Variants in ERC2 observed in about 807,000 individuals in gnomAD.
The protein encoded by ERC2 is ERC protein 2.
Under a neutral mutation model 114.8 loss-of-function variants are expected in ERC2, and 42 were observed. The ratio of observed to expected loss-of-function variants is 0.37; its 90% CI spans 0.29 to 0.47. The LOEUF (loss-of-function observed/expected upper bound fraction) is 0.47. Ranked by LOEUF, ERC2 falls within the 20% of genes least tolerant of loss-of-function variation. The pLI, the probability that ERC2 is intolerant of heterozygous loss-of-function variation, is 0.99. For missense variants in ERC2, 939 were observed against 1,150.7 expected (o/e 0.82, Z 2.66); for synonymous variants, 454 against 425.5 (o/e 1.07, Z -0.82).
intron 16 of ERC2, among the ~76,000 whole-genome samples, chr3:55,698,286 A>G (rs972288529): frequency 1.3e-5 from 2 of 152,028 alleles, no homozygotes; most frequent in Non-Finnish European, 2.9e-5. Context: ...GCCTCACTGC[A>G]CAGCTCCCAG....
intron 17 of ERC2, among the ~76,000 whole-genome samples, chr3:55,555,447 A>G (rs1170856330): frequency 6.6e-6 from 1 of 152,182 alleles, no homozygotes; most frequent in Non-Finnish European, 1.5e-5. Flanking sequence ...CACCAGAGCA[A>G]ATGCTTGGAG....
intron 11 of ERC2, among the ~76,000 whole-genome samples, chr3:55,986,281 T>C (rs908566800): frequency 1.3e-5 from 2 of 152,218 alleles, no homozygotes; most frequent in Admixed American, 1.3e-4. Context: ...GCTCCCACAG[T>C]ACAATGACAG....
intron 1 of ERC2, among the ~76,000 whole-genome samples, chr3:56,449,324 C>T (rs913097268): frequency 3.9e-5 from 6 of 152,130 alleles, no homozygotes; most frequent in African/African-American, 1.4e-4. Context: ...CTCTAGAATG[C>T]CAGGCACAGG....
chr3:55,824,421 G>T (rs548245674), intron 14 of ERC2, among the ~76,000 whole-genome samples: 26 of 152,256 alleles, frequency 1.7e-4, no homozygotes, highest in African/African-American at 6.3e-4. Flanking sequence ...GTTTATATGA[G>T]CAAAAATAAA....
intron 7 of ERC2, among the ~76,000 whole-genome samples, chr3:56,045,090 T>A (rs1162445477): frequency 6.6e-6 from 1 of 152,162 alleles, no homozygotes; most frequent in Non-Finnish European, 1.5e-5. Flanking sequence ...AAACTGAAGC[T>A]CACTATCAAT....
At chr3:56,458,413 T>C (rs1408213341) in intron 1 of ERC2, among the ~76,000 whole-genome samples, 1 of 152,198 alleles carries the variant, frequency 6.6e-6, no homozygotes, top group Non-Finnish European at 1.5e-5. Flanking sequence ...TCTGAAGTTA[T>C]TCTAAGCAAC....
intron 15 of ERC2, among the ~76,000 whole-genome samples, chr3:55,702,018 A>T (rs1354151108): frequency 6.6e-6 from 1 of 152,128 alleles, no homozygotes; most frequent in Non-Finnish European, 1.5e-5. Context: ...TAATATCCTC[A>T]TCCTTTGGGG....
At chr3:55,562,691 C>T (rs1304458191) in intron 17 of ERC2, among the ~76,000 whole-genome samples, 1 of 152,098 alleles carries the variant, frequency 6.6e-6, no homozygotes, top group Non-Finnish European at 1.5e-5. Flanking sequence ...CCTCCCATCC[C>T]TTTTCTTTTT....
intron 17 of ERC2, among the ~76,000 whole-genome samples, chr3:55,577,529 T>C (rs932463922): frequency 6.6e-6 from 1 of 152,190 alleles, no homozygotes; most frequent in African/African-American, 2.4e-5. Context: ...CCATAAACAC[T>C]GGATCACAGC....
At chr3:56,310,932 T>C (rs748141472) in intron 2 of ERC2, among the ~76,000 whole-genome samples, 1 of 151,662 alleles carries the variant, frequency 6.6e-6, no homozygotes, top group African/African-American at 2.4e-5. Flanking sequence ...TATTTGGTAA[T>C]GGAAAGTTAG....
intron 3 of ERC2, among the ~76,000 whole-genome samples, chr3:56,212,502 G>A (rs2049129464): frequency 6.6e-6 from 1 of 152,138 alleles, no homozygotes; most frequent in Non-Finnish European, 1.5e-5. Flanking sequence ...TTACACTACT[G>A]GTGGGAATGT....
intron 3 of ERC2, among the ~76,000 whole-genome samples, chr3:56,255,845 A>G (rs2052478424): frequency 1.3e-5 from 2 of 152,236 alleles, no homozygotes; most frequent in Admixed American, 1.3e-4. Context: ...TGGTCTGCGG[A>G]CCAGCAGCAT....
chr3:56,079,862 T>C (rs2077147080), intron 7 of ERC2, among the ~76,000 whole-genome samples: 1 of 152,078 alleles, frequency 6.6e-6, no homozygotes, highest in South Asian at 2.1e-4. Context: ...AAGAAAAACA[T>C]CTGGAATGCT....
In ERC2 at chr3:55,837,115, G is replaced by A. The variant is rs575343605; in HGVS notation, c.2564+51274C>T. Among the ~76,000 whole-genome samples, 39 of 152,328 alleles carry A rather than the reference G, an allele frequency of 2.6e-4. No individual in the cohort carries two copies. In the East Asian group the frequency reaches 7.3e-3, roughly 29 times the overall value. Reference sequence around the variant, plus strand: ...AAAAGCCAGGAAACAACAGGTGCTGGAGAGGATGTGGAGAAATAGGAACAC... The same window carrying A: ...AAAAGCCAGGAAACAACAGGTGCTGAAGAGGATGTGGAGAAATAGGAACAC... On this transcript the variant is annotated intron_variant, in intron 14 of 17. Coordinates refer to ENST00000288221, the MANE Select transcript of ERC2 (RefSeq NM_015576.3).
At chr3:56,098,073 T>C (rs2078159165) in intron 6 of ERC2, among the ~76,000 whole-genome samples, 1 of 152,150 alleles carries the variant, frequency 6.6e-6, no homozygotes, top group African/African-American at 2.4e-5. Flanking sequence ...ATGAGAGCAC[T>C]CATCTAAAAG....
intron 17 of ERC2, among the ~76,000 whole-genome samples, chr3:55,524,504 T>TG (rs1256770345): frequency 6.7e-5 from 10 of 149,776 alleles, no homozygotes; most frequent in Admixed American, 6.6e-4. Flanking sequence ...CCAGTGGTTT[T>TG]TTTTTTTTTT....
In ERC2 at chr3:56,327,006, C is replaced by T. The variant is rs1443703002; in HGVS notation, c.658-30571G>A. On this transcript the variant is annotated intron_variant, in intron 2 of 17. Transcript: ENST00000288221. ...ACTTTCCCACAGATGTTCCATGATG[C>T]CTGCCTGGGAGGCCAAGAAGCCTAC... Among the ~76,000 whole-genome samples, 3 of 152,216 alleles carry T rather than the reference C, an allele frequency of 2.0e-5. No individual in the cohort carries two copies. The East Asian group carries it at 5.8e-4, about 29-fold the overall frequency.
At chr3:55,962,305 C>A (rs1208486423) in intron 12 of ERC2, among the ~76,000 whole-genome samples, 1 of 152,172 alleles carries the variant, frequency 6.6e-6, no homozygotes, top group African/African-American at 2.4e-5. Flanking sequence ...CTGTAAGTGG[C>A]CAGATAGTAA....
chr3:55,819,703 A>G (rs575915691), intron 14 of ERC2, among the ~76,000 whole-genome samples: 1 of 152,316 alleles, frequency 6.6e-6, no homozygotes, highest in African/African-American at 2.4e-5. Flanking sequence ...CTATTAGACA[A>G]TGATGATATT....
Sources: gnomAD v4.1 joint callset for allele counts (sites outside exome capture counted in the v4.1 genomes callset) on GRCh38, gnomAD v4.1.1 for gene constraint, MANE v1.5 for transcripts, NCBI Gene and HGNC (gene_info 2026-07-23, HGNC 2026-07-21) for gene names.